RRBP1: variants seen among roughly 807,000 people sequenced by gnomAD.
RRBP1 encodes ribosome-binding protein 1.
RRBP1 carries 94 observed loss-of-function variants against 165.2 expected under a neutral mutation model. The observed-to-expected ratio is 0.57, with a 90% CI of 0.48 to 0.68. RRBP1 has a LOEUF of 0.68. Among genes scored for constraint, RRBP1 ranks in the 30% least tolerant of loss-of-function variants. RRBP1 has a pLI of 0.00. For missense variants in RRBP1, 1,676 were observed against 1,763.0 expected (o/e 0.95, Z 0.88); for synonymous variants, 680 against 714.5 (o/e 0.95, Z 0.77).
intron 24 of RRBP1, 25 bp downstream of exon 24, chr20:17,614,707 TCCCGC>T: frequency 6.2e-7 from 1 of 1,607,312 alleles, no homozygotes; most frequent in Non-Finnish European, 8.5e-7. Flanking sequence ...GCTCGACTCC[TCCCGC>T]CCTGCTTTGG....
At chr20:17,650,925 AC>A (rs1245419074) in intron 3 of RRBP1, among the ~76,000 whole-genome samples, 1 of 152,188 alleles carries the variant, frequency 6.6e-6, no homozygotes, top group East Asian at 1.9e-4. Flanking sequence ...CTGCATACAC[AC>A]ACGTCTTGTG....
Position 17,615,483 on chromosome 20 carries a change from C to A in RRBP1, c.3998G>T (p.Arg1333Leu), listed in dbSNP as rs368160955. 30 of 1,607,494 alleles carry A rather than the reference C, an allele frequency of 1.9e-5. No individual in the cohort carries two copies. In the Admixed American group the frequency reaches 2.1e-4, roughly 11 times the overall value. Residue 1333 changes from arginine to leucine, a missense_variant, in exon 23 of 25, where the codon CGC becomes CTC. By Grantham distance (102) the Arg-to-Leu change is moderately radical (BLOSUM62 -2). Transcript: ENST00000377813. ...CRLQEELEKL[R>L]TAGPLESSET... ...TGAAGACTCTAGGGGGCCGGCTGTGCGGAGCTTCTCCAATTCTTCTTGTAA... is the reference window on the plus strand; with the variant it reads ...TGAAGACTCTAGGGGGCCGGCTGTGAGGAGCTTCTCCAATTCTTCTTGTAA...
At chr20:17,621,146 G>T (rs1314062560) in intron 16 of RRBP1, among the ~76,000 whole-genome samples, 1 of 152,228 alleles carries the variant, frequency 6.6e-6, no homozygotes, top group East Asian at 1.9e-4. Flanking sequence ...GAGTGGCAGG[G>T]CTAGACCTGG....
chr20:17,666,642 T>A (rs990713662), intron 2 of RRBP1, among the ~76,000 whole-genome samples: 1 of 152,226 alleles, frequency 6.6e-6, no homozygotes, highest in Non-Finnish European at 1.5e-5. Context: ...TATGATCTCA[T>A]TTCTTTTTCT....
rs1279402072 is a variant in RRBP1, at chr20:17,662,504, A to C, written c.-21-1976T>G. Among the ~76,000 whole-genome samples, 3 of 152,102 alleles carry C rather than the reference A, an allele frequency of 2.0e-5. No individual in the cohort carries two copies. In the East Asian group the frequency reaches 5.8e-4, roughly 29 times the overall value. ...TTCATTCCAGTCTTAACCTCTACAA[A>C]GTCTTAGGGGAGCTCATGGAGGCCT... On this transcript the variant is annotated intron_variant, in intron 2 of 24. Transcript: ENST00000377813.
chr20:17,678,997 T>C (rs1371848724), intron 2 of RRBP1, among the ~76,000 whole-genome samples: 1 of 152,192 alleles, frequency 6.6e-6, no homozygotes, highest in African/African-American at 2.4e-5. Context: ...TGTCCTCCCT[T>C]GGGTAATTAT....
intron 12 of RRBP1, 40 bp from the exon 13 acceptor site, chr20:17,624,708 G>C: frequency 1.4e-6 from 2 of 1,408,154 alleles, no homozygotes; most frequent in Non-Finnish European, 2.0e-6. Flanking sequence ...GCCTGCACTG[G>C]CAGCACGGGC....
At position 17,621,873 on chromosome 20, in the gene RRBP1, G is replaced by C; in HGVS notation, c.3222C>G (p.Leu1074=). The change falls in exon 14 of 25, where the codon CTC becomes CTG. Residue 1074 remains leucine, a synonymous_variant. Transcript: ENST00000377813. ...MEALLALLPE[L]SVLAQQNYTE... ...CTCCTACCTGTTGTGCCAAGACAGA[G>C]AGTTCTGGGAGCAGAGCCAGCAGGG... The C allele has an allele frequency of 6.2e-7, 1 of 1,613,956 alleles. No homozygotes were observed. Among genetic ancestry groups the C allele is most frequent in the African/African-American group, 1.3e-5 (1 of 75,052 alleles).
intron 9 of RRBP1, among the ~76,000 whole-genome samples, chr20:17,628,526 G>A (rs1472833032): frequency 6.6e-6 from 1 of 152,180 alleles, no homozygotes; most frequent in East Asian, 1.9e-4. Context: ...TGGTGTCAGT[G>A]TCCAGAAGCG....
At chr20:17,618,565 C>G in intron 20 of RRBP1, 31 bp downstream of exon 20, 1 of 1,561,468 alleles carries the variant, frequency 6.4e-7, no homozygotes, top group Admixed American at 1.7e-5. Context: ...CCAGGTCACA[C>G]TCCTGGCATG....
chr20:17,619,583 G>T, intron 19 of RRBP1, 50 bp downstream of exon 19: 1 of 1,339,884 alleles, frequency 7.5e-7, no homozygotes, highest in Non-Finnish European at 1.0e-6. Context: ...GCTCAGGGAG[G>T]ACCGCAGATC....
intron 22 of RRBP1, 126 bp from the exon 23 acceptor site, chr20:17,615,655 G>A (rs1437320062): frequency 5.7e-6 from 4 of 703,068 alleles, no homozygotes; most frequent in African/African-American, 5.4e-5. Flanking sequence ...GCTCCATCCT[G>A]TAGCTGGAAT....
At position 17,660,092 on chromosome 20, in the gene RRBP1, T is replaced by C. The variant is rs1254723736; in HGVS notation, c.416A>G (p.Lys139Arg). 6 of 1,614,048 alleles carry C rather than the reference T, an allele frequency of 3.7e-6. No homozygotes were observed. The highest frequency in any genetic ancestry group is 1.6e-4 in the Middle Eastern group (1 of 6,084). ...QEKLASSPKD[K>R]KKKEKKVAKV... is the part of the protein sequence containing the mutation. Reference sequence around the variant, plus strand: ...TGCCACTTTTTTCTCCTTCTTCTTTTTGTCCTTGGGGGAGGAGGCCAGCTT... The same window carrying C: ...TGCCACTTTTTTCTCCTTCTTCTTTCTGTCCTTGGGGGAGGAGGCCAGCTT... The change falls in exon 3 of 25, where the codon AAA becomes AGA. Residue 139 changes from lysine (K) to arginine (R), a missense_variant. Lys to Arg is a conservative substitution (Grantham distance 26). Around this residue, in one of 5 missense-constraint regions of RRBP1, gnomAD observed 392 missense variants for 382.5 expected, o/e 1.02. Transcript: ENST00000377813.
rs2037209092 is a variant in RRBP1 at position 17,682,232 on chromosome 20, T to C, written c.-303A>G. 6.6e-6 allele frequency: 1 copy of C among 152,252 alleles called. No homozygotes were observed. Among genetic ancestry groups the C allele is most frequent in the South Asian group, 2.1e-4 (1 of 4,830 alleles). 9.4% of individuals were successfully genotyped at this position (152,252 alleles called of 1,614,324 possible). ...GGCTGCGTGCGCGCGTGTGGAGTCG[T>C]GGCACTTTCTGCCTCAGAGCTGGCG... On this transcript the variant is annotated 5_prime_UTR_variant, in exon 1 of 25. Transcript: ENST00000377813.
At chr20:17,652,603 A>T (rs1022476739) in intron 3 of RRBP1, among the ~76,000 whole-genome samples, 10 of 152,152 alleles carry the variant, frequency 6.6e-5, no homozygotes, top group African/African-American at 2.4e-4. Context: ...CTAGATGCCC[A>T]GGGCCAGTCA....
intron 3 of RRBP1, among the ~76,000 whole-genome samples, chr20:17,645,660 C>T (rs1319661406): frequency 6.6e-6 from 1 of 152,252 alleles, no homozygotes; most frequent in Non-Finnish European, 1.5e-5. Context: ...TTCTGGGCCT[C>T]CAGATGAGTT....
At position 17,636,662 on chromosome 20, in the gene RRBP1, C is replaced by T. The variant is rs772325450; in HGVS notation, c.2252G>A (p.Arg751Gln). 4.3e-6 allele frequency: 7 copies of T among 1,613,214 alleles called. No homozygotes were observed. Among genetic ancestry groups the T allele is most frequent in the African/African-American group, 2.7e-5 (2 of 74,944 alleles). ...EAKVKKQLVA[R>Q]EQEITAVQAR... The stretch of plus-strand genomic sequence containing the variant: ...CTGCACAGCCGTGATCTCCTGCTCC[C>T]GGGCCACCAGCTGCTTTTTCACTTT... Residue 751 changes from arginine to glutamine, a missense_variant, in exon 6 of 25, where the codon CGG (arginine) becomes CAG (glutamine). By Grantham distance (43) the Arg-to-Gln change is conservative (BLOSUM62 1). Around this residue, in one of 5 missense-constraint regions of RRBP1, gnomAD observed 1,184 missense variants for 1,167.1 expected, o/e 1.01. Coordinates refer to ENST00000377813, the MANE Select transcript of RRBP1 (RefSeq NM_001365613.2).
intron 23 of RRBP1, among the ~76,000 whole-genome samples, chr20:17,615,230 T>C (rs2035774946): frequency 6.6e-6 from 1 of 152,202 alleles, no homozygotes; most frequent in South Asian, 2.1e-4. Flanking sequence ...CCACCAGGAC[T>C]AATGGCTGCC....
At chr20:17,632,283 G>GGA (rs1568763201) in intron 8 of RRBP1, among the ~76,000 whole-genome samples, 4 of 152,144 alleles carry the variant, frequency 2.6e-5, no homozygotes, top group African/African-American at 9.7e-5. Flanking sequence ...GGAGATACTG[G>GGA]GAGCCTGGGG....
Sources: allele counts gnomAD v4.1 joint callset (sites outside exome capture counted in the v4.1 genomes callset), GRCh38; gene constraint gnomAD v4.1.1; regional missense constraint gnomAD v4.1.1; transcripts MANE v1.5; gene names NCBI Gene and HGNC (gene_info 2026-07-23, HGNC 2026-07-21).